Variants in NAALADL2 observed in about 807,000 individuals in gnomAD.
NAALADL2 encodes inactive N-acetylated-alpha-linked acidic dipeptidase-like protein 2.
In NAALADL2, 76 loss-of-function variants were observed where a neutral mutation model predicts 87.2. That is an observed-to-expected ratio of 0.87 (90% CI 0.72 to 1.05). The LOEUF (loss-of-function observed/expected upper bound fraction) is 1.05, where lower values mean the gene tolerates loss of function less well. Ranked by LOEUF, NAALADL2 falls within the 50% of genes least tolerant of loss-of-function variation. NAALADL2 has a pLI of 0.00. For missense variants in NAALADL2, 1,089 were observed against 945.8 expected (o/e 1.15, Z -1.99); for synonymous variants, 354 against 331.0 (o/e 1.07, Z -0.75).
intron 1 of NAALADL2, among the ~76,000 whole-genome samples, chr3:174,544,567 C>CTTTTTTT (rs10575227): frequency 1.3e-4 from 15 of 115,164 alleles, no homozygotes; most frequent in East Asian, 5.3e-4. Flanking sequence ...TTTTTGTTTT[C>CTTTTTTT]TTTTTTTTTT....
At chr3:175,318,967 T>C (rs1337902204) in intron 4 of NAALADL2, among the ~76,000 whole-genome samples, 1 of 143,694 alleles carries the variant, frequency 7.0e-6, no homozygotes, top group Non-Finnish European at 1.5e-5. Flanking sequence ...TGCAGAGTTA[T>C]ATTCTATTAT....
chr3:174,862,590 T>C (rs914418341), intron 1 of NAALADL2, among the ~76,000 whole-genome samples: 3 of 152,132 alleles, frequency 2.0e-5, no homozygotes, highest in Non-Finnish European at 4.4e-5. Context: ...CCAGTTTCCA[T>C]GAGCTTTTAA....
chr3:174,995,427 C>G (rs2108736736), intron 1 of NAALADL2, among the ~76,000 whole-genome samples: 1 of 152,204 alleles, frequency 6.6e-6, no homozygotes, highest in South Asian at 2.1e-4. Flanking sequence ...GCCTTTTTCT[C>G]TATAAACAGG....
intron 9 of NAALADL2, among the ~76,000 whole-genome samples, chr3:175,569,914 T>TTGTGTG (rs5854642): frequency 6.7e-6 from 1 of 149,878 alleles, no homozygotes; most frequent in Admixed American, 6.7e-5. Context: ...CTATATGAAT[T>TTGTGTG]TGTGTGTGTG....
At chr3:174,560,008 A>G (rs1713388872) in intron 2 of NAALADL2, among the ~76,000 whole-genome samples, 1 of 152,216 alleles carries the variant, frequency 6.6e-6, no homozygotes, top group Non-Finnish European at 1.5e-5. Flanking sequence ...TACATCTTAA[A>G]TAGGAAGATG....
At chr3:174,856,232 T>C, upstream of NAALADL2, among the ~76,000 whole-genome samples, 2 of 152,008 alleles carry the variant, frequency 1.3e-5, no homozygotes, top group Non-Finnish European at 2.9e-5. Flanking sequence ...TCTTGAACTC[T>C]TGGGCTTAAG....
intron 2 of NAALADL2, among the ~76,000 whole-genome samples, chr3:175,145,168 G>A (rs1730568255): frequency 6.6e-6 from 1 of 151,942 alleles, no homozygotes; most frequent in South Asian, 2.1e-4. Flanking sequence ...CATTTAGGTG[G>A]TGACAAAATT....
chr3:175,749,692 G>A (rs1452061677), intron 12 of NAALADL2, among the ~76,000 whole-genome samples: 1 of 152,192 alleles, frequency 6.6e-6, no homozygotes, highest in African/African-American at 2.4e-5. Context: ...TTTTCAACAT[G>A]AGTTTTGGAG....
At chr3:175,529,292 G>A (rs1441444103) in intron 9 of NAALADL2, among the ~76,000 whole-genome samples, 1 of 152,160 alleles carries the variant, frequency 6.6e-6, no homozygotes, top group Non-Finnish European at 1.5e-5. Flanking sequence ...TGTCCAGATG[G>A]CAATCTTAAC....
chr3:175,571,331 A>G (rs1718052937), intron 9 of NAALADL2, among the ~76,000 whole-genome samples: 1 of 152,168 alleles, frequency 6.6e-6, no homozygotes. Flanking sequence ...CCTGTTATGA[A>G]CTGGAATAAA....
intron 11 of NAALADL2, among the ~76,000 whole-genome samples, chr3:175,699,818 C>T (rs988810836): frequency 6.6e-6 from 1 of 151,984 alleles, no homozygotes; most frequent in Non-Finnish European, 1.5e-5. Context: ...GTAATAGGTC[C>T]TCTTAAATAA....
At chr3:175,426,765 C>T (rs9290553) in intron 5 of NAALADL2, among the ~76,000 whole-genome samples, 123,397 of 152,070 alleles carry the variant, frequency 0.81, 50,238 homozygotes, top group Middle Eastern at 0.87. Context: ...CTCAACTTCA[C>T]AGCTTTATCT....
chr3:175,400,391 T>G (rs1770410706), intron 5 of NAALADL2, among the ~76,000 whole-genome samples: 1 of 152,126 alleles, frequency 6.6e-6, no homozygotes, highest in Non-Finnish European at 1.5e-5. Flanking sequence ...AGTGAACACA[T>G]TTAGCTTCCT....
intron 2 of NAALADL2, among the ~76,000 whole-genome samples, chr3:175,212,869 C>A (rs370274277): frequency 2.6e-5 from 4 of 152,070 alleles, no homozygotes; most frequent in Non-Finnish European, 4.4e-5. Flanking sequence ...TAAAGCTTTA[C>A]GAGCCAGATG....
intron 4 of NAALADL2, among the ~76,000 whole-genome samples, chr3:175,320,907 A>G (rs1207326740): frequency 1.3e-5 from 2 of 150,044 alleles, no homozygotes; most frequent in East Asian, 4.0e-4. Flanking sequence ...TACCAGAGGT[A>G]CAAGGAGGAA....
intron 2 of NAALADL2, among the ~76,000 whole-genome samples, chr3:174,731,015 C>G (rs372064024): frequency 1.3e-5 from 2 of 152,000 alleles, no homozygotes; most frequent in African/African-American, 4.8e-5. Flanking sequence ...ATAGGGAGTG[C>G]TAGCTAATTA....
intron 13 of NAALADL2, among the ~76,000 whole-genome samples, chr3:175,780,032 G>A (rs923989054): frequency 1.3e-5 from 2 of 152,034 alleles, no homozygotes; most frequent in Non-Finnish European, 2.9e-5. Flanking sequence ...ACTCTGGGAG[G>A]CCGAGGTGGG....
intron 3 of NAALADL2, among the ~76,000 whole-genome samples, chr3:175,238,271 T>A (rs1328637744): frequency 6.6e-6 from 1 of 152,084 alleles, no homozygotes; most frequent in Admixed American, 6.5e-5. Flanking sequence ...CTGCCTTTTT[T>A]AAAATAAAGA....
At chr3:175,777,642 C>CTA (rs1209064030) in intron 13 of NAALADL2, among the ~76,000 whole-genome samples, 1 of 152,070 alleles carries the variant, frequency 6.6e-6, no homozygotes, top group East Asian at 1.9e-4. Context: ...GTGACTAGTG[C>CTA]TATGATAAAA....
Sources: allele counts gnomAD v4.1 joint callset (sites outside exome capture counted in the v4.1 genomes callset), GRCh38; gene constraint gnomAD v4.1.1; transcripts MANE v1.5; gene names NCBI Gene and HGNC (gene_info 2026-07-23, HGNC 2026-07-21).